The following RNF213 variants were observed in gnomAD, a reference collection of about 807,000 sequenced individuals.
RNF213 encodes ring finger protein 213, also known as E3 ubiquitin-protein ligase RNF213.
RNF213 carries 341 observed loss-of-function variants against 514.4 expected under a neutral mutation model. That is an observed-to-expected ratio of 0.66 (90% CI 0.61 to 0.73). The LOEUF (loss-of-function observed/expected upper bound fraction) is 0.73. Among genes scored for constraint, RNF213 ranks in the 30% least tolerant of loss-of-function variants. RNF213 has a pLI of 0.00. For missense variants in RNF213, 5,767 were observed against 6,615.6 expected (o/e 0.87, Z 4.45); for synonymous variants, 2,655 against 2,658.2 (o/e 1.00, Z 0.04).
At chr17:80,336,103 C>G in intron 22 of RNF213, 58 bp from the exon 23 acceptor site, 1 of 1,376,110 alleles carries the variant, frequency 7.3e-7, no homozygotes, top group African/African-American at 1.4e-5. Flanking sequence ...TGCCCAAGAC[C>G]GAGTCTTGTG....
At position 80,351,816 on chromosome 17, in the gene RNF213, C is replaced by T. The variant is rs751095306; in HGVS notation, c.10303+13C>T. The T allele has an allele frequency of 9.5e-6, 12 of 1,266,778 alleles. No homozygotes were observed. The highest frequency in any genetic ancestry group is 1.4e-5 in the Non-Finnish European group (12 of 863,108). 78.5% of individuals were successfully genotyped at this position (1,266,778 alleles called of 1,614,324 possible). On this transcript the variant is annotated intron_variant, in intron 32 of 67. Coordinates refer to ENST00000582970, the MANE Select transcript of RNF213 (RefSeq NM_001256071.3). ...GGCTTCCACGGAGGTGAGATCAGAA[C>T]ATCAGTCAGGGTATTTATTTATGTA...
Position 80,353,471 on chromosome 17 carries a change from CCTT to C in RNF213, c.10424-38_10424-36del. 1 of 1,576,518 alleles carries C rather than the reference CCTT, an allele frequency of 6.3e-7. No homozygotes were observed. Among genetic ancestry groups the C allele is most frequent in the South Asian group, 1.2e-5 (1 of 86,510 alleles). ...GGCACCGCTGCCAGTCCCTGTGCCA[CCTT>C]CTGAGTGGTAACGCAATCACGTTTG... On this transcript the variant is annotated intron_variant, in intron 33 of 67. Coordinates refer to ENST00000582970, the MANE Select transcript of RNF213 (RefSeq NM_001256071.3). The surrounding 1 kb of genome is among the most constrained non-coding windows in gnomAD (Gnocchi z 5.0).
At chr17:80,291,065 G>A (rs1408091284) in intron 7 of RNF213, among the ~76,000 whole-genome samples, 2 of 152,058 alleles carry the variant, frequency 1.3e-5, no homozygotes, top group Admixed American at 1.3e-4. Context: ...GCCCGCCTAG[G>A]CCTCCCAAAG....
At position 80,393,386 on chromosome 17, in the gene RNF213, G is replaced by A. The variant is rs1437787985; in HGVS notation, c.15512G>A (p.Ser5171Asn). 1 of 1,614,202 alleles carries A rather than the reference G, an allele frequency of 6.2e-7. No individual in the cohort carries two copies. The highest frequency in any genetic ancestry group is 1.7e-5 in the Admixed American group (1 of 60,028). The change falls in exon 68 of 68, where the codon AGT becomes AAT. Residue 5171 changes from serine to asparagine, a missense_variant. Transcript: ENST00000582970. ...GTAAGTTACATGCAAACTAAAGAAA[G>A]TGAAATTCTTCCTGAAATGGCATCT... ...TLVSYMQTKE[S>N]EILPEMASQF...
intron 2 of RNF213, among the ~76,000 whole-genome samples, chr17:80,271,849 G>A (rs556775345): frequency 4.6e-5 from 7 of 151,796 alleles, no homozygotes; most frequent in South Asian, 2.1e-4. Flanking sequence ...GTGTGGTGGC[G>A]CATGCCTGTA....
At chr17:80,373,974 G>T (rs1290938166) in intron 49 of RNF213, among the ~76,000 whole-genome samples, 5 of 147,064 alleles carry the variant, frequency 3.4e-5, no homozygotes, top group African/African-American at 1.3e-4. Context: ...CTGCACTCCA[G>T]CGCCTGGGCG....
chr17:80,363,908 C>T (rs2079151028), intron 41 of RNF213, 118 bp downstream of exon 41: 9 of 968,508 alleles, frequency 9.3e-6, no homozygotes, highest in Middle Eastern at 3.1e-4. Flanking sequence ...GGAGGGGCTC[C>T]GTCCTCACCC....
intron 42 of RNF213, 35 bp downstream of exon 42, chr17:80,364,588 A>C: frequency 1.2e-6 from 2 of 1,613,858 alleles, no homozygotes; most frequent in Non-Finnish European, 1.7e-6. Context: ...ACATGCACGG[A>C]TCCACCCTTT....
rs371045342 is a variant in RNF213, at chr17:80,348,267, G to A, written c.9932G>A (p.Arg3311His). Residue 3311 changes from arginine to histidine, a missense_variant, in exon 29 of 68, where the codon CGC (arginine) becomes CAC (histidine). By Grantham distance (29) the Arg-to-His change is conservative. Transcript: ENST00000582970. Reference sequence around the variant, plus strand: ...CACCTGCACACGGCAGACCTGGAGCGCCACGCCATCTTCACAGAGGTGATT... The same window carrying A: ...CACCTGCACACGGCAGACCTGGAGCACCACGCCATCTTCACAGAGGTGATT... ...QAHLHTADLE[R>H]HAIFTEITTF... 12 of 1,613,106 alleles carry A rather than the reference G, an allele frequency of 7.4e-6. No individual in the cohort carries two copies. The highest frequency in any genetic ancestry group is 4.5e-5 in the East Asian group (2 of 44,900).
At chr17:80,313,952 G>C (rs1288271110) in intron 15 of RNF213, among the ~76,000 whole-genome samples, 1 of 30,660 alleles carries the variant, frequency 3.3e-5, no homozygotes. Flanking sequence ...TGATGGTGGT[G>C]GTGGAGGTGA....
chr17:80,267,769 G>T (rs1431103118), intron 2 of RNF213, among the ~76,000 whole-genome samples: 4 of 152,048 alleles, frequency 2.6e-5, no homozygotes, highest in African/African-American at 9.7e-5. Context: ...AAGTTCTCCA[G>T]ATCTGGCTAA....
chr17:80,326,374 C>G (rs116956704), intron 18 of RNF213, among the ~76,000 whole-genome samples: 1 of 152,210 alleles, frequency 6.6e-6, no homozygotes, highest in Non-Finnish European at 1.5e-5. Flanking sequence ...TGTCATCTAT[C>G]TCTGCCACCA....
chr17:80,271,291 T>C (rs1036173600), intron 2 of RNF213, among the ~76,000 whole-genome samples: 15 of 152,234 alleles, frequency 9.9e-5, no homozygotes, highest in African/African-American at 3.1e-4. Flanking sequence ...GGATTTGTTA[T>C]CAATTTTGAG....
At position 80,363,137 on chromosome 17, in the gene RNF213, A is replaced by G. The variant is rs759596647; in HGVS notation, c.11391A>G (p.Lys3797=). 2 of 1,614,220 alleles carry G rather than the reference A, an allele frequency of 1.2e-6. No homozygotes were observed. The highest frequency in any genetic ancestry group is 2.2e-5 in the South Asian group (2 of 91,084). Residue 3797 remains lysine (K), a synonymous_variant, in exon 40 of 68, where the codon AAA becomes AAG. Coordinates refer to ENST00000582970, the MANE Select transcript of RNF213 (RefSeq NM_001256071.3). The stretch of plus-strand genomic sequence containing the variant: ...TGGCTCTGTGGTCCTGCACTAGGAA[A>G]CTGAAAGCGGCGTCAGAAGCGCCCG... ...LQMALWSCTR[K]LKAASEAPEE...
Position 80,263,822 on chromosome 17 carries a change from C to T in RNF213, c.97+44C>T, listed in dbSNP as rs1171601903. ...GGTGGAGGCTGGGGCAGTGGGGACC[C>T]CTGGAGATGTCTCACCTCCCTTCCA... On this transcript the variant is annotated intron_variant, in intron 2 of 67. Transcript: ENST00000582970. The surrounding 1 kb of genome is among the most constrained non-coding windows in gnomAD (Gnocchi z 4.9). The T allele has an allele frequency of 6.5e-7, 1 of 1,539,336 alleles. No individual in the cohort carries two copies. The highest frequency in any genetic ancestry group is 9.0e-7 in the Non-Finnish European group (1 of 1,112,290).
intron 39 of RNF213, among the ~76,000 whole-genome samples, chr17:80,362,750 G>A (rs149537867): frequency 6.4e-4 from 97 of 152,340 alleles, no homozygotes; most frequent in African/African-American, 2.1e-3. Context: ...TTTCAGCTTT[G>A]CTTCGAAAAA....
chr17:80,317,135 T>A lies in RNF213; in HGVS notation c.2812-53T>A. 6.4e-7 allele frequency: 1 copy of A among 1,560,018 alleles called. No homozygotes were observed. Among genetic ancestry groups the A allele is most frequent in the Non-Finnish European group, 8.8e-7 (1 of 1,140,240 alleles). On this transcript the variant is annotated intron_variant, in intron 15 of 67. Transcript: ENST00000582970. The surrounding 1 kb of genome is among the most constrained non-coding windows in gnomAD (Gnocchi z 4.1). ...CTGTCTTTCTCCTTTCATGGGAGTGTGCCGTGGCATTTAGTCGTGAGAGTG... is the reference window on the plus strand; with the variant it reads ...CTGTCTTTCTCCTTTCATGGGAGTGAGCCGTGGCATTTAGTCGTGAGAGTG...
At chr17:80,328,576 G>A in intron 20 of RNF213, 99 bp downstream of exon 20, 1 of 1,281,574 alleles carries the variant, frequency 7.8e-7, no homozygotes, top group Non-Finnish European at 1.0e-6. Context: ...ATTTTGGAGA[G>A]AAGGCTTTAA....
chr17:80,348,714 C>G (rs766816544), intron 29 of RNF213, among the ~76,000 whole-genome samples: 1 of 152,196 alleles, frequency 6.6e-6, no homozygotes. Context: ...GATGCGAGCT[C>G]AGATGAGATG....
Sources: gnomAD v4.1 joint callset for allele counts (sites outside exome capture counted in the v4.1 genomes callset) on GRCh38, gnomAD v4.1.1 for gene constraint, Gnocchi (gnomAD v3.1) non-coding constraint, MANE v1.5 for transcripts, NCBI Gene and HGNC (gene_info 2026-07-23, HGNC 2026-07-21) for gene names.